TAF4B: variants seen among roughly 807,000 people sequenced by gnomAD.
TAF4B encodes TATA-box binding protein associated factor 4b.
In TAF4B, 38 loss-of-function variants were observed where a neutral mutation model predicts 86.4. The observed-to-expected ratio is 0.44, with a 90% CI of 0.34 to 0.58. The LOEUF (loss-of-function observed/expected upper bound fraction) is 0.58. Among genes scored for constraint, TAF4B ranks in the 20% least tolerant of loss-of-function variants. TAF4B has a pLI of 0.02. For missense variants in TAF4B, 988 were observed against 1,027.6 expected (o/e 0.96, Z 0.53); for synonymous variants, 388 against 391.2 (o/e 0.99, Z 0.10).
At chr18:26,378,583 T>G (rs963111983) in intron 14 of TAF4B, among the ~76,000 whole-genome samples, 6 of 152,198 alleles carry the variant, frequency 3.9e-5, no homozygotes, top group African/African-American at 1.4e-4. Flanking sequence ...TAACTTTGCA[T>G]TTGCTTTTCA....
intron 3 of TAF4B, among the ~76,000 whole-genome samples, chr18:26,269,044 G>T (rs1256506995): frequency 6.6e-6 from 1 of 151,964 alleles, no homozygotes; most frequent in Non-Finnish European, 1.5e-5. Context: ...GGCTGGTCTC[G>T]AACTCTTGAC....
chr18:26,376,666 A>G (rs946460211), intron 14 of TAF4B, among the ~76,000 whole-genome samples: 2 of 151,822 alleles, frequency 1.3e-5, no homozygotes, highest in African/African-American at 4.8e-5. Context: ...ATGCCTTGTT[A>G]TTTCATTTTC....
Position 26,231,344 on chromosome 18 carries a change from G to GTTTTTTT in TAF4B, c.343+4068_343+4069insTTTTTTT, listed in dbSNP as rs1260610897. ...AGATGTGAGCCACCCAGCTGCTTGG[G>GTTTTTTT]GTTTTTTTTTTTTTTTTTTTTTTTT... On this transcript the variant is annotated intron_variant, in intron 1 of 14. Transcript: ENST00000269142. Among the ~76,000 whole-genome samples the GTTTTTTT allele has an allele frequency of 3.9e-4, 24 of 60,820 alleles. 2 individuals are homozygous for GTTTTTTT. Among genetic ancestry groups the GTTTTTTT allele is most frequent in the South Asian group, 1.3e-3 (2 of 1,594 alleles). 39.9% of individuals were successfully genotyped at this position (60,820 alleles called of 152,430 possible). A position where few individuals can be genotyped will look rare whatever the true frequency, so the allele number is the denominator to read the frequency against.
At chr18:26,316,381 CT>C in intron 10 of TAF4B, among the ~76,000 whole-genome samples, 1 of 139,526 alleles carries the variant, frequency 7.2e-6, no homozygotes, top group East Asian at 1.9e-4. Flanking sequence ...GGGTTTTCTT[CT>C]TCTTCTTCTT....
intron 13 of TAF4B, among the ~76,000 whole-genome samples, chr18:26,344,442 T>G (rs2057160488): frequency 6.6e-6 from 1 of 151,884 alleles, no homozygotes; most frequent in Admixed American, 6.6e-5. Context: ...ACTTTCAACT[T>G]AAAATCCTAT....
intron 2 of TAF4B, 72 bp downstream of exon 2, chr18:26,265,387 T>C (rs1196207817): frequency 1.4e-6 from 2 of 1,434,742 alleles, no homozygotes; most frequent in Non-Finnish European, 1.8e-6. Context: ...GTTGTGTATA[T>C]GTTTGCTAGT....
At chr18:26,338,515 G>C (rs1223858390) in intron 13 of TAF4B, among the ~76,000 whole-genome samples, 1 of 89,684 alleles carries the variant, frequency 1.1e-5, no homozygotes, top group Admixed American at 1.7e-4. Flanking sequence ...TTTCGCTCTT[G>C]TTGCCCAGGC....
At chr18:26,241,288 C>G (rs2055834609) in intron 1 of TAF4B, among the ~76,000 whole-genome samples, 1 of 152,154 alleles carries the variant, frequency 6.6e-6, no homozygotes, top group Admixed American at 6.5e-5. Flanking sequence ...CTCAGGGATT[C>G]AACTTCTTCC....
At chr18:26,352,537 CAAAG>C (rs1352916451) in intron 13 of TAF4B, among the ~76,000 whole-genome samples, 1 of 152,046 alleles carries the variant, frequency 6.6e-6, no homozygotes, top group African/African-American at 2.4e-5. Flanking sequence ...AAGGAAAAAA[CAAAG>C]AAGAGAAATC....
chr18:26,271,716 G>A (rs911999210), intron 3 of TAF4B, among the ~76,000 whole-genome samples: 1 of 152,040 alleles, frequency 6.6e-6, no homozygotes, highest in African/African-American at 2.4e-5. Flanking sequence ...CTGAGGTCAG[G>A]AGTTTGAGAC....
chr18:26,255,902 A>G, intron 1 of TAF4B: 1 of 1,229,378 alleles, frequency 8.1e-7, no homozygotes, highest in Admixed American at 1.7e-5. Flanking sequence ...GTGTTCTGTT[A>G]GAACCAGAAG....
chr18:26,367,109 G>A (rs1354514353), intron 14 of TAF4B, among the ~76,000 whole-genome samples: 1 of 152,218 alleles, frequency 6.6e-6, no homozygotes, highest in African/African-American at 2.4e-5. Flanking sequence ...GTGGGACAGT[G>A]TGTCTTGGAC....
chr18:26,349,277 G>A (rs760904807), intron 13 of TAF4B, among the ~76,000 whole-genome samples: 3 of 151,908 alleles, frequency 2.0e-5, no homozygotes, highest in Admixed American at 6.6e-5. Context: ...TTCCCCTTCC[G>A]AAAGTCCCCA....
chr18:26,286,416 C>A lies in TAF4B; in HGVS notation c.1507C>A (p.Pro503Thr). The A allele has an allele frequency of 6.2e-7, 1 of 1,614,206 alleles. No homozygotes were observed. Among genetic ancestry groups the A allele is most frequent in the Non-Finnish European group, 8.5e-7 (1 of 1,180,042 alleles). Residue 503 changes from proline (P) to threonine (T), a missense_variant, in exon 7 of 15, where the codon CCA becomes ACA. By Grantham distance (38) the Pro-to-Thr change is conservative. This residue lies in a region of TAF4B where 747 missense variants were observed against 737.9 expected (regional missense o/e 1.01). Coordinates refer to ENST00000269142, the MANE Select transcript of TAF4B (RefSeq NM_005640.3). ...ATCTGACAAGCCTGTTATTGGGACT[C>A]CAGTTCAAATCAAACTTGCCCAGCC... ...TTSDKPVIGT[P>T]VQIKLAQPGP...
chr18:26,380,276 T>G (rs950704437), intron 14 of TAF4B, among the ~76,000 whole-genome samples: 1 of 152,190 alleles, frequency 6.6e-6, no homozygotes, highest in Non-Finnish European at 1.5e-5. Flanking sequence ...ACATTTCTTT[T>G]CTACATTTAA....
chr18:26,321,237 T>G lies in TAF4B; in HGVS notation c.2133+37T>G, dbSNP rs751705030. Reference sequence around the variant, plus strand: ...CATTAAAGAAGTATAAACTCTCGAGTGTTATAGGTAGTCTTTTGGGCGTGG... The same window carrying G: ...CATTAAAGAAGTATAAACTCTCGAGGGTTATAGGTAGTCTTTTGGGCGTGG... On this transcript the variant is annotated intron_variant, in intron 11 of 14. Transcript: ENST00000269142. The G allele has an allele frequency of 9.3e-6, 15 of 1,607,672 alleles. 1 individual carries two copies. In the South Asian group the frequency reaches 1.3e-4, roughly 14 times the overall value.
chr18:26,267,264 T>G, intron 2 of TAF4B: 1 of 320,100 alleles, frequency 3.1e-6, no homozygotes, highest in Non-Finnish European at 5.7e-6. Flanking sequence ...TAATATTTAT[T>G]TAGTTTGAAA....
intron 14 of TAF4B, among the ~76,000 whole-genome samples, chr18:26,363,407 G>T (rs534601890): frequency 6.7e-6 from 1 of 149,984 alleles, no homozygotes; most frequent in Non-Finnish European, 1.5e-5. Context: ...AAGGCAGCGC[G>T]TGGTGGTGTG....
chr18:26,367,938 C>A lies in TAF4B; in HGVS notation c.2421+10144C>A, dbSNP rs1046890989. 3.9e-5 allele frequency among the ~76,000 whole-genome samples: 6 copies of A among 152,248 alleles called. No individual in the cohort carries two copies. The South Asian group carries it at 1.2e-3, about 32-fold the overall frequency. ...GAGTGCCTATTTTTCCATTTTCTTG[C>A]TAGCAGTAGATATGATCAATCACTT... On this transcript the variant is annotated intron_variant, in intron 14 of 14. Transcript: ENST00000269142.
Sources: allele counts gnomAD v4.1 joint callset (sites outside exome capture counted in the v4.1 genomes callset), GRCh38; gene constraint gnomAD v4.1.1; regional missense constraint gnomAD v4.1.1; transcripts MANE v1.5; gene names NCBI Gene and HGNC (gene_info 2026-07-23, HGNC 2026-07-21).